The following CSMD1 variants were observed in gnomAD, a reference collection of about 807,000 sequenced individuals.
The protein encoded by CSMD1 is CUB and Sushi multiple domains 1.
A neutral mutation model predicts 417.5 loss-of-function variants in CSMD1; 213 were observed. The ratio of observed to expected loss-of-function variants is 0.51; its 90% CI spans 0.46 to 0.57. The LOEUF is 0.57. Ranked by LOEUF, CSMD1 falls within the 20% of genes least tolerant of loss-of-function variation. CSMD1 has a pLI of 0.00. For missense variants in CSMD1, 6,923 were observed against 4,529.7 expected, an observed-to-expected ratio of 1.53 and a Z score of -15.17; for synonymous variants, 2,862 against 1,736.8, an observed-to-expected ratio of 1.65 and a Z score of -16.11.
At chr8:3,466,183 G>A (rs1816782249) in intron 12 of CSMD1, among the ~76,000 whole-genome samples, 2 of 151,816 alleles carry the variant, frequency 1.3e-5, no homozygotes, top group African/African-American at 4.8e-5. Flanking sequence ...ATAAAATTAT[G>A]AAGCAGTTGT....
At chr8:3,979,157 T>C (rs191723463) in intron 5 of CSMD1, among the ~76,000 whole-genome samples, 1 of 152,362 alleles carries the variant, frequency 6.6e-6, no homozygotes, top group East Asian at 1.9e-4. Flanking sequence ...GATCACATTT[T>C]ACAACACCTG....
chr8:4,197,164 T>C (rs1178367306), intron 3 of CSMD1, among the ~76,000 whole-genome samples: 1 of 152,200 alleles, frequency 6.6e-6, no homozygotes, highest in Non-Finnish European at 1.5e-5. Flanking sequence ...CCTGTTCTCC[T>C]ACGGTCAAAA....
chr8:3,185,080 G>A (rs1215865080), intron 36 of CSMD1, among the ~76,000 whole-genome samples: 13 of 152,148 alleles, frequency 8.5e-5, no homozygotes. Flanking sequence ...AAGAACTGAA[G>A]GGACCATGGA....
chr8:3,817,252 C>CTTTTTTTTTTTTTTTTTTTTT (rs767668610), intron 5 of CSMD1, among the ~76,000 whole-genome samples: 2 of 54,420 alleles, frequency 3.7e-5, no homozygotes, highest in Non-Finnish European at 6.9e-5. Context: ...TCTTCTTCTT[C>CTTTTTTTTTTTTTTTTTTTTT]TTTTTTTTTT....
At chr8:4,130,807 A>T (rs1290464734) in intron 3 of CSMD1, among the ~76,000 whole-genome samples, 1 of 151,698 alleles carries the variant, frequency 6.6e-6, no homozygotes, top group Non-Finnish European at 1.5e-5. Flanking sequence ...CAAATTATAT[A>T]TTTGTATATA....
At chr8:3,469,005 G>A (rs1369294633) in intron 11 of CSMD1, 181 bp from the exon 12 acceptor site, 5 of 451,912 alleles carry the variant, frequency 1.1e-5, no homozygotes, top group Non-Finnish European at 1.6e-5. Flanking sequence ...CACTATCACT[G>A]GTGCTTTACA....
intron 1 of CSMD1, among the ~76,000 whole-genome samples, chr8:4,714,845 C>T (rs1286830653): frequency 6.6e-6 from 1 of 152,096 alleles, no homozygotes; most frequent in Non-Finnish European, 1.5e-5. Context: ...TCTTTTGCTC[C>T]AAATTCTTAA....
At chr8:4,319,446 C>G (rs115083991) in intron 3 of CSMD1, among the ~76,000 whole-genome samples, 5 of 152,078 alleles carry the variant, frequency 3.3e-5, no homozygotes, top group African/African-American at 4.8e-5. Context: ...TTTCCAAAAT[C>G]CAAATAATAG....
chr8:4,086,628 T>C (rs1382011199), intron 3 of CSMD1, among the ~76,000 whole-genome samples: 7 of 152,192 alleles, frequency 4.6e-5, no homozygotes, highest in Non-Finnish European at 1.0e-4. Context: ...ACGCGAGACT[T>C]TTCTTAATGC....
intron 3 of CSMD1, among the ~76,000 whole-genome samples, chr8:4,361,278 C>G (rs1009405819): frequency 1.3e-5 from 2 of 152,098 alleles, no homozygotes; most frequent in Non-Finnish European, 2.9e-5. Context: ...TTACTACTTA[C>G]TCATAAATAA....
intron 46 of CSMD1, among the ~76,000 whole-genome samples, chr8:3,103,739 CTTT>C (rs35949402): frequency 0.15 from 18,370 of 124,114 alleles, 1,370 homozygotes; most frequent in Non-Finnish European, 0.2. Flanking sequence ...AATCAAATTC[CTTT>C]TTTTTTTAAA....
intron 25 of CSMD1, among the ~76,000 whole-genome samples, chr8:3,299,522 A>G (rs1804229001): frequency 6.6e-6 from 1 of 151,946 alleles, no homozygotes; most frequent in Admixed American, 6.6e-5. Flanking sequence ...GCACGTGAGG[A>G]AAAGCACACA....
chr8:4,136,415 C>A (rs965132634), intron 3 of CSMD1, among the ~76,000 whole-genome samples: 2 of 152,110 alleles, frequency 1.3e-5, no homozygotes. Context: ...AAATAAATAA[C>A]ATAAAACTGG....
At chr8:3,704,665 T>C (rs1365815859) in intron 7 of CSMD1, 1 of 152,246 alleles carries the variant, frequency 6.6e-6, no homozygotes, top group Non-Finnish European at 1.5e-5. Context: ...CCTCACCCTT[T>C]GTGGCCACGC....
chr8:4,656,027 T>C (rs994491629), intron 1 of CSMD1, among the ~76,000 whole-genome samples: 1 of 151,978 alleles, frequency 6.6e-6, no homozygotes, highest in African/African-American at 2.4e-5. Context: ...GCATGCTCTG[T>C]TGGGAGATGA....
chr8:3,769,377 T>C (rs914964817), intron 5 of CSMD1, among the ~76,000 whole-genome samples: 3 of 151,658 alleles, frequency 2.0e-5, no homozygotes, highest in Non-Finnish European at 2.9e-5. Context: ...ATCCATTAAA[T>C]ACTATGTTAA....
At chr8:3,935,685 T>C (rs1810446550) in intron 5 of CSMD1, among the ~76,000 whole-genome samples, 1 of 152,142 alleles carries the variant, frequency 6.6e-6, no homozygotes, top group Non-Finnish European at 1.5e-5. Flanking sequence ...TTCTGACTGC[T>C]CCACTGACTG....
At chr8:4,456,153 G>C (rs1799468335) in intron 2 of CSMD1, among the ~76,000 whole-genome samples, 1 of 150,880 alleles carries the variant, frequency 6.6e-6, no homozygotes, top group African/African-American at 2.4e-5. Flanking sequence ...TTAACAGAGA[G>C]TGGTCCCTGT....
At chr8:4,359,328 A>T (rs1801617801) in intron 3 of CSMD1, among the ~76,000 whole-genome samples, 1 of 152,240 alleles carries the variant, frequency 6.6e-6, no homozygotes. Context: ...CAGGGGCCAA[A>T]TAGGTACAAC....
Sources: gnomAD v4.1 joint callset for allele counts (sites outside exome capture counted in the v4.1 genomes callset) on GRCh38, gnomAD v4.1.1 for gene constraint, MANE v1.5 for transcripts, NCBI Gene and HGNC (gene_info 2026-07-23, HGNC 2026-07-21) for gene names.